The following TEX11 variants were observed in gnomAD, a reference collection of about 807,000 sequenced individuals.
TEX11 encodes testis-expressed protein 11.
In TEX11, 7 loss-of-function variants were observed where a neutral mutation model predicts 84.4. That is an observed-to-expected ratio of 0.08 (90% CI 0.05 to 0.16). The LOEUF is 0.16. Among genes scored for constraint, TEX11 ranks in the 10% least tolerant of loss-of-function variants. The pLI, the probability that TEX11 is intolerant of heterozygous loss-of-function variation, is 1.00. For missense variants in TEX11, 551 were observed against 660.5 expected (o/e 0.83, Z 1.82); for synonymous variants, 264 against 222.8 (o/e 1.18, Z -1.64).
intron 15 of TEX11, among the ~76,000 whole-genome samples, chrX:70,672,448 G>A (rs751629373): frequency 5.4e-5 from 6 of 111,920 alleles, no homozygotes; most frequent in African/African-American, 1.6e-4. Flanking sequence ...TTTCCAAACC[G>A]TCTGTACTAT....
chrX:70,654,192 A>C (rs186966859), intron 16 of TEX11, among the ~76,000 whole-genome samples: 586 of 111,950 alleles, frequency 5.2e-3, no homozygotes, highest in Middle Eastern at 0.014. Context: ...AAAATAACAT[A>C]TCAATATTGG....
At chrX:70,702,762 G>C (rs1044649051) in intron 13 of TEX11, among the ~76,000 whole-genome samples, 2 of 111,356 alleles carry the variant, frequency 1.8e-5, no homozygotes, top group African/African-American at 6.5e-5. Flanking sequence ...TAATTTTGTT[G>C]TTTCAAGAAT....
At chrX:70,699,707 T>C (rs1203294807) in intron 13 of TEX11, among the ~76,000 whole-genome samples, 3 of 111,541 alleles carry the variant, frequency 2.7e-5, no homozygotes, top group Non-Finnish European at 5.6e-5. Flanking sequence ...TTTAAACTGT[T>C]TGTCACCATG....
At chrX:70,677,810 C>CTTTTTTTTTTTTTTT (rs35653618) in intron 15 of TEX11, among the ~76,000 whole-genome samples, 1 of 63,581 alleles carries the variant, frequency 1.6e-5, no homozygotes, top group Non-Finnish European at 2.7e-5. Context: ...CTTTTCTTTC[C>CTTTTTTTTTTTTTTT]TTTTTTTTTT....
chrX:70,596,989 C>T (rs1603119942), intron 24 of TEX11, among the ~76,000 whole-genome samples: 1 of 111,675 alleles, frequency 9.0e-6, no homozygotes, highest in African/African-American at 3.2e-5. Flanking sequence ...CTATGAACAA[C>T]TGTAAACCAA....
At chrX:70,788,963 TATATATATATAGAGAGAGAG>T (rs1376055944) in intron 9 of TEX11, among the ~76,000 whole-genome samples, 100 of 43,765 alleles carry the variant, frequency 2.3e-3, no homozygotes, top group Non-Finnish European at 2.9e-3. Flanking sequence ...TATATATATA[TATATATATATAGAGAGAGAG>T]AGAGAGAGAG....
intron 25 of TEX11, among the ~76,000 whole-genome samples, chrX:70,556,992 C>T (rs2088295034): frequency 9.2e-6 from 1 of 109,153 alleles, no homozygotes; most frequent in African/African-American, 3.3e-5. Context: ...GAGACAAGGT[C>T]TCACTATGTT....
At chrX:70,517,021 G>A in the TEX11 span, among the ~76,000 whole-genome samples, 4 of 111,772 alleles carry the variant, frequency 3.6e-5, no homozygotes, top group Non-Finnish European at 5.6e-5. Flanking sequence ...GAGATTTGGG[G>A]CTAAGATGAT....
intron 28 of TEX11, among the ~76,000 whole-genome samples, chrX:70,537,087 A>G: frequency 9.0e-6 from 1 of 111,503 alleles, no homozygotes; most frequent in Non-Finnish European, 1.9e-5. Context: ...TTCTTTTGAA[A>G]AAAGAGGAAA....
intron 7 of TEX11, among the ~76,000 whole-genome samples, chrX:70,834,329 T>C (rs1016807249): frequency 4.5e-5 from 5 of 111,974 alleles, no homozygotes; most frequent in Non-Finnish European, 7.5e-5. Context: ...ATCCATAAAG[T>C]GAGGAGACTG....
At chrX:70,705,149 G>A (rs2090361366) in intron 13 of TEX11, among the ~76,000 whole-genome samples, 1 of 111,192 alleles carries the variant, frequency 9.0e-6, no homozygotes, top group South Asian at 3.8e-4. Flanking sequence ...TGTTCCATTG[G>A]TCTATATCTC....
intron 7 of TEX11, among the ~76,000 whole-genome samples, chrX:70,843,437 C>T (rs1001445852): frequency 1.8e-5 from 2 of 111,765 alleles, no homozygotes; most frequent in Non-Finnish European, 3.8e-5. Flanking sequence ...CCCTTCCTTA[C>T]ACCTTATACA....
At chrX:70,527,966 G>A (rs1038228472), downstream of TEX11, among the ~76,000 whole-genome samples, 1 of 112,120 alleles carries the variant, frequency 8.9e-6, no homozygotes, top group Non-Finnish European at 1.9e-5. Context: ...GGAGGAAAAA[G>A]GTAGTGTAAT....
chrX:70,710,750 T>C (rs1205271544), intron 13 of TEX11, among the ~76,000 whole-genome samples: 1 of 111,034 alleles, frequency 9.0e-6, no homozygotes, highest in Non-Finnish European at 1.9e-5. Context: ...TGAGAAGCAC[T>C]AACATAAAGC....
At chrX:70,512,362 G>A in the TEX11 span, among the ~76,000 whole-genome samples, 1 of 107,810 alleles carries the variant, frequency 9.3e-6, no homozygotes, top group Non-Finnish European at 1.9e-5. Context: ...GGGATTGTGG[G>A]TGCACACCAC....
chrX:70,592,252 A>G (rs2088942446), intron 24 of TEX11, among the ~76,000 whole-genome samples: 1 of 111,522 alleles, frequency 9.0e-6, no homozygotes, highest in Non-Finnish European at 1.9e-5. Flanking sequence ...ACTAAGTCTT[A>G]GTAAGAACAG....
intron 25 of TEX11, among the ~76,000 whole-genome samples, chrX:70,581,875 G>T (rs755902147): frequency 9.0e-6 from 1 of 111,589 alleles, no homozygotes; most frequent in Admixed American, 9.6e-5. Flanking sequence ...TGACAAATGG[G>T]TATATGCTTC....
chrX:70,649,998 A>ACAAT (rs1420235322), intron 17 of TEX11, among the ~76,000 whole-genome samples: 8 of 111,457 alleles, frequency 7.2e-5, no homozygotes, highest in Non-Finnish European at 1.3e-4. Context: ...GTGGATAAAC[A>ACAAT]CAATATGGGT....
chrX:70,747,356 G>A (rs991995042), intron 9 of TEX11, among the ~76,000 whole-genome samples: 4 of 112,314 alleles, frequency 3.6e-5, no homozygotes, highest in Non-Finnish European at 7.5e-5. Flanking sequence ...AGGAATATTA[G>A]AGGCCACACA....
Sources: allele counts gnomAD v4.1 joint callset (sites outside exome capture counted in the v4.1 genomes callset), GRCh38; gene constraint gnomAD v4.1.1; transcripts MANE v1.5; gene names NCBI Gene and HGNC (gene_info 2026-07-23, HGNC 2026-07-21).